KMT2E: variants seen among roughly 807,000 people sequenced by gnomAD.
The protein encoded by KMT2E is histone reader KMT2E.
In KMT2E, 30 loss-of-function variants were observed where a neutral mutation model predicts 184.6. The ratio of observed to expected loss-of-function variants is 0.16; its 90% CI spans 0.12 to 0.22. The LOEUF is 0.22. Ranked by LOEUF, KMT2E falls within the 10% of genes least tolerant of loss-of-function variation. KMT2E has a pLI of 1.00. For missense variants in KMT2E, 2,023 were observed against 2,237.4 expected (o/e 0.90, Z 1.93); for synonymous variants, 815 against 776.5 (o/e 1.05, Z -0.82).
chr7:105,026,251 C>G (rs1356655103), intron 1 of KMT2E, among the ~76,000 whole-genome samples: 1 of 152,078 alleles, frequency 6.6e-6, no homozygotes, highest in African/African-American at 2.4e-5. Flanking sequence ...TCTTGGAAAT[C>G]TAAAAATGGG....
chr7:105,042,295 TTA>T (rs1795915079), intron 3 of KMT2E, among the ~76,000 whole-genome samples: 1 of 152,202 alleles, frequency 6.6e-6, no homozygotes. Context: ...CCAGCCATGT[TTA>T]CAGCTGTTCT....
chr7:105,020,925 T>C (rs1417033560), intron 1 of KMT2E, among the ~76,000 whole-genome samples: 2 of 152,236 alleles, frequency 1.3e-5, no homozygotes, highest in East Asian at 3.8e-4. Context: ...AGAGAATGTG[T>C]ATGAGAAACA....
intron 5 of KMT2E, chr7:105,063,868 C>A: frequency 6.4e-6 from 3 of 470,624 alleles, no homozygotes; most frequent in Admixed American, 3.0e-5. Flanking sequence ...ATAAACATAG[C>A]AGTAGACAAG....
intron 19 of KMT2E, 85 bp from the exon 20 acceptor site, chr7:105,106,437 T>C: frequency 1.5e-6 from 2 of 1,300,744 alleles, no homozygotes; most frequent in Non-Finnish European, 2.2e-6. Context: ...ATTGTTTATA[T>C]TTTATCTTTC....
intron 15 of KMT2E, among the ~76,000 whole-genome samples, chr7:105,092,609 T>C (rs1317009578): frequency 6.6e-6 from 1 of 152,214 alleles, no homozygotes; most frequent in East Asian, 1.9e-4. Context: ...TAGAGGAGTT[T>C]ATAAAGGAAG....
chr7:105,058,053 G>C (rs1207966352), intron 3 of KMT2E, among the ~76,000 whole-genome samples: 1 of 152,086 alleles, frequency 6.6e-6, no homozygotes, highest in East Asian at 1.9e-4. Flanking sequence ...CCTTTGTGCT[G>C]TAGACCTGGT....
In KMT2E at chr7:105,063,485, C is replaced by T. The variant is rs773891936; in HGVS notation, c.321C>T (p.Ser107=). The T allele has an allele frequency of 1.2e-6, 2 of 1,613,680 alleles. No individual in the cohort carries two copies. Among genetic ancestry groups the T allele is most frequent in the African/African-American group, 1.3e-5 (1 of 75,028 alleles). ...FDETSSATTI[S]TSEDGSYGTD... ...AAACTTCCAGTGCTACTACAATCAG[C>T]ACATCTGAGGATGGAAGTTATGGTA... The change falls in exon 5 of 27, where the codon AGC becomes AGT. Residue 107 remains serine (S), a synonymous_variant. Transcript: ENST00000311117.
Position 105,090,067 on chromosome 7 carries a change from C to A in KMT2E, c.1417C>A (p.Arg473Ser). 6.2e-7 allele frequency: 1 copy of A among 1,613,602 alleles called. No homozygotes were observed. The change falls in exon 14 of 27, where the codon CGT (arginine) becomes AGT (serine). Residue 473 changes from arginine (R) to serine (S), a missense_variant. By Grantham distance (110) the Arg-to-Ser change is moderately radical. Transcript: ENST00000311117. ...KENPECPVLK[R>S]SSESMENINS... ...AAACCCAGAGTGCCCTGTTCTAAAA[C>A]GTAGTTCTGAATCCATGGAAAATAT...
At chr7:105,090,423 G>A (rs1798153999) in intron 14 of KMT2E, 150 bp downstream of exon 14, 1 of 912,704 alleles carries the variant, frequency 1.1e-6, no homozygotes, top group Non-Finnish European at 1.6e-6. Flanking sequence ...TAAAATACAA[G>A]TTCTGCTAGA....
chr7:105,078,327 G>C (rs139683319), intron 11 of KMT2E, among the ~76,000 whole-genome samples: 126 of 152,182 alleles, frequency 8.3e-4, no homozygotes, highest in African/African-American at 2.9e-3. Flanking sequence ...TTATGGGGCA[G>C]GTAAAAATCT....
In KMT2E at chr7:105,063,388, C is replaced by T. The variant is rs1234381772; in HGVS notation, c.224C>T (p.Pro75Leu). ...GGTGCTCGTCCTCCTCCGACACCTC[C>T]GGCTTCCCCTCCTCCATCAGTCCTT... ...NYGARPPPTP[P>L]ASPPPSVLIS... Residue 75 changes from proline to leucine, a missense_variant, in exon 5 of 27, where the codon CCG becomes CTG. Pro to Leu is a moderately conservative substitution (Grantham distance 98). Around this residue, in one of 8 missense-constraint regions of KMT2E, gnomAD observed 48 missense variants for 51.5 expected, o/e 0.93. Coordinates refer to ENST00000311117, the MANE Select transcript of KMT2E (RefSeq NM_182931.3). 5 of 1,612,974 alleles carry T rather than the reference C, an allele frequency of 3.1e-6. No individual in the cohort carries two copies. The highest frequency in any genetic ancestry group is 4.2e-6 in the Non-Finnish European group (5 of 1,179,464).
At chr7:105,088,154 A>C (rs1798060856) in intron 13 of KMT2E, among the ~76,000 whole-genome samples, 1 of 152,162 alleles carries the variant, frequency 6.6e-6, no homozygotes, top group Non-Finnish European at 1.5e-5. Context: ...GTCTGGTTTC[A>C]AATCCCGGCT....
At chr7:105,049,544 ACTTCAAAT>A (rs1267152035) in intron 3 of KMT2E, among the ~76,000 whole-genome samples, 1 of 152,050 alleles carries the variant, frequency 6.6e-6, no homozygotes, top group Non-Finnish European at 1.5e-5. Context: ...TGGGGACACA[ACTTCAAAT>A]CTAAAATTTT....
intron 22 of KMT2E, among the ~76,000 whole-genome samples, 198 bp downstream of exon 22, chr7:105,108,123 A>C (rs73717958): frequency 0.034 from 5,245 of 152,250 alleles, 314 homozygotes; most frequent in African/African-American, 0.12. Context: ...AATTCTAGTA[A>C]TATGGGAAAT....
intron 1 of KMT2E, among the ~76,000 whole-genome samples, chr7:105,017,564 T>G (rs1467660968): frequency 6.6e-6 from 1 of 152,028 alleles, no homozygotes; most frequent in African/African-American, 2.4e-5. Flanking sequence ...GTTAATTTAC[T>G]ATGTGTGTTT....
Position 105,112,787 on chromosome 7 carries a change from A to AAC in KMT2E, c.5031_5032insAC (p.Pro1678ThrfsTer35). On this transcript the variant is annotated frameshift_variant, in exon 27 of 27. Coordinates refer to ENST00000311117, the MANE Select transcript of KMT2E (RefSeq NM_182931.3). LOFTEE classifies it high-confidence loss of function. ...ATTCTCAAACTGCTGGACACCACTT[A>AAC]CCCCCACCCCCACCCCCTCCTGGTC... 1.2e-5 allele frequency: 18 copies of AAC among 1,462,818 alleles called. No homozygotes were observed. The highest frequency in any genetic ancestry group is 4.6e-5 in the South Asian group (4 of 86,784). 90.6% of individuals were successfully genotyped at this position (1,462,818 alleles called of 1,614,324 possible).
chr7:105,105,205 TA>T, intron 17 of KMT2E: 1 of 369,406 alleles, frequency 2.7e-6, no homozygotes. Context: ...TATAAATATT[TA>T]AAAAGCAACC....
chr7:105,077,314 A>G lies in KMT2E; in HGVS notation c.1011A>G (p.Gln337=), dbSNP rs759675780. Residue 337 remains glutamine (Q), a synonymous_variant, in exon 11 of 27, where the codon CAA becomes CAG. Coordinates refer to ENST00000311117, the MANE Select transcript of KMT2E (RefSeq NM_182931.3). Reference sequence around the variant, plus strand: ...TACTCTGATTTTAGAGCCATATACAAAAGAATAAGAAAATTCTTAAATCTG... The same window carrying G: ...TACTCTGATTTTAGAGCCATATACAGAAGAATAAGAAAATTCTTAAATCTG... ...LFKPPVESHI[Q]KNKKILKSAK... 9 of 1,609,270 alleles carry G rather than the reference A, an allele frequency of 5.6e-6. No homozygotes were observed. Among genetic ancestry groups the G allele is most frequent in the Non-Finnish European group, 7.6e-6 (9 of 1,176,878 alleles).
chr7:105,068,819 T>C (rs1797164109), intron 6 of KMT2E, among the ~76,000 whole-genome samples: 1 of 152,042 alleles, frequency 6.6e-6, no homozygotes, highest in African/African-American at 2.4e-5. Context: ...TATATTTCAT[T>C]GAGGAAAGGC....
Sources: gnomAD v4.1 joint callset for allele counts (sites outside exome capture counted in the v4.1 genomes callset) on GRCh38, gnomAD v4.1.1 for gene constraint, gnomAD v4.1.1 regional missense constraint, MANE v1.5 for transcripts, NCBI Gene and HGNC (gene_info 2026-07-23, HGNC 2026-07-21) for gene names.